The following RMC1 variants were observed in gnomAD, a reference collection of about 807,000 sequenced individuals.
RMC1 encodes the protein regulator of MON1-CCZ1 complex.
RMC1 carries 44 observed loss-of-function variants against 95.5 expected under a neutral mutation model. The ratio of observed to expected loss-of-function variants is 0.46; its 90% CI spans 0.36 to 0.59. The LOEUF (loss-of-function observed/expected upper bound fraction) is 0.59. RMC1 is among the 20% of genes least tolerant of loss of function. The pLI, the probability that RMC1 is intolerant of heterozygous loss-of-function variation, is 0.00. For synonymous variants in RMC1, 320 were observed against 303.6 expected (o/e 1.05, Z -0.56); for missense variants, 705 against 819.6 (o/e 0.86, Z 1.71).
intron 7 of RMC1, among the ~76,000 whole-genome samples, chr18:23,518,363 G>A (rs1350561724): frequency 1.3e-5 from 2 of 152,062 alleles, no homozygotes; most frequent in African/African-American, 2.4e-5. Context: ...ACGGTGGCAC[G>A]TGCATGTAGT....
At chr18:23,511,769 TTGGC>T (rs1486651123) in intron 5 of RMC1, among the ~76,000 whole-genome samples, 2 of 152,090 alleles carry the variant, frequency 1.3e-5, no homozygotes, top group East Asian at 3.8e-4. Flanking sequence ...TTATTGGACA[TTGGC>T]TGGTTTTCCA....
intron 19 of RMC1, among the ~76,000 whole-genome samples, chr18:23,531,129 T>A (rs906565079): frequency 1.2e-4 from 19 of 152,112 alleles, no homozygotes; most frequent in African/African-American, 4.6e-4. Context: ...TAGTTGGGAC[T>A]ACAGGTGCGT....
intron 6 of RMC1, 146 bp downstream of exon 6, chr18:23,516,142 G>C: frequency 7.4e-7 from 1 of 1,357,864 alleles, no homozygotes; most frequent in Non-Finnish European, 1.0e-6. Flanking sequence ...CTGTATACCC[G>C]TCAGCTCCTG....
At chr18:23,503,752 G>T (rs371777909) in intron 1 of RMC1, 32 bp downstream of exon 1, 41 of 1,571,834 alleles carry the variant, frequency 2.6e-5, no homozygotes, top group Non-Finnish European at 7.8e-6. Flanking sequence ...TCCCCCGCGC[G>T]GCCCTGCCGG....
In RMC1 at chr18:23,516,363, C is replaced by T. The variant is rs553858189; in HGVS notation, c.593C>T (p.Pro198Leu). ...CTGCCCAAATTTGAGATTGAATTAC[C>T]AGCTGCGCCTAAGTCAACTAAACCC... ...SKLPKFEIEL[P>L]AAPKSTKPSL... Residue 198 changes from proline to leucine, a missense_variant, in exon 7 of 20, where the codon CCA becomes CTA. Coordinates refer to ENST00000269221, the MANE Select transcript of RMC1 (RefSeq NM_013326.5). 18 of 1,614,224 alleles carry T rather than the reference C, an allele frequency of 1.1e-5. No individual in the cohort carries two copies. In the South Asian group the frequency reaches 1.5e-4, roughly 14 times the overall value.
chr18:23,509,692 A>G (rs1200774848), intron 5 of RMC1: 1 of 152,684 alleles, frequency 6.5e-6, no homozygotes, highest in African/African-American at 2.4e-5. Flanking sequence ...CCTCGTGAGT[A>G]GATGGGATTA....
chr18:23,531,279 G>A (rs750229283), intron 19 of RMC1, among the ~76,000 whole-genome samples: 1 of 152,010 alleles, frequency 6.6e-6, no homozygotes, highest in African/African-American at 2.4e-5. Context: ...TTGAGCCACC[G>A]CACCTGGCCC....
intron 5 of RMC1, among the ~76,000 whole-genome samples, chr18:23,514,859 T>C (rs1372713674): frequency 1.3e-5 from 2 of 152,228 alleles, no homozygotes; most frequent in African/African-American, 4.8e-5. Flanking sequence ...TGCCCCTGAC[T>C]TGCGCAGCAG....
At chr18:23,505,643 G>C (rs1014798844) in intron 2 of RMC1, among the ~76,000 whole-genome samples, 7 of 152,246 alleles carry the variant, frequency 4.6e-5, no homozygotes, top group Non-Finnish European at 1.0e-4. Context: ...GAGCCTGTCA[G>C]AGTTAGGGAT....
intron 5 of RMC1, among the ~76,000 whole-genome samples, chr18:23,514,008 C>T (rs868100742): frequency 1.6e-4 from 25 of 152,158 alleles, no homozygotes; most frequent in African/African-American, 5.8e-4. Context: ...CTTTGATGTA[C>T]CTGCCTGTTT....
Position 23,524,175 on chromosome 18 carries a change from G to T in RMC1, c.1006+1G>T. 1 of 1,613,566 alleles carries T rather than the reference G, an allele frequency of 6.2e-7. No individual in the cohort carries two copies. The highest frequency in any genetic ancestry group is 8.5e-7 in the Non-Finnish European group (1 of 1,180,010). On this transcript the variant is annotated splice_donor_variant, in intron 11 of 19. Transcript: ENST00000269221. LOFTEE classifies it high-confidence loss of function. ...CAGTCTCCTGTTCCATGTAAACTCT[G>T]TATCCTTTACTAAGGTGTGGCACCG...
At chr18:23,503,785 G>A in intron 1 of RMC1, 65 bp downstream of exon 1, 1 of 1,385,568 alleles carries the variant, frequency 7.2e-7, no homozygotes, top group Non-Finnish European at 9.7e-7. Flanking sequence ...GCCAAGGCCG[G>A]TCCCGCGCGA....
At chr18:23,503,811 C>A in intron 1 of RMC1, 91 bp downstream of exon 1, 1 of 1,106,270 alleles carries the variant, frequency 9.0e-7, no homozygotes, top group Non-Finnish European at 1.2e-6. Context: ...CCCGAGCGTC[C>A]CCTCCTGTCC....
chr18:23,517,617 C>T (rs1013403961), intron 7 of RMC1, among the ~76,000 whole-genome samples: 3 of 152,166 alleles, frequency 2.0e-5, no homozygotes, highest in African/African-American at 4.8e-5. Flanking sequence ...CTTCTGTGGC[C>T]TAAAACAGTG....
At chr18:23,518,067 T>A (rs1280011140) in intron 7 of RMC1, among the ~76,000 whole-genome samples, 1 of 152,234 alleles carries the variant, frequency 6.6e-6, no homozygotes, top group Non-Finnish European at 1.5e-5. Flanking sequence ...CTGGCTGAAG[T>A]GGAGGTGGGG....
intron 10 of RMC1, among the ~76,000 whole-genome samples, chr18:23,522,134 C>G (rs1002207687): frequency 2.6e-5 from 4 of 152,266 alleles, no homozygotes; most frequent in Non-Finnish European, 4.4e-5. Flanking sequence ...CCCTGTCTTG[C>G]TGGACCAGCC....
rs779244233 is a variant in RMC1 at position 23,527,770 on chromosome 18, G to A, written c.1190-25G>A. The A allele has an allele frequency of 1.8e-5, 28 of 1,586,812 alleles. No homozygotes were observed. The South Asian group carries it at 2.2e-4, about 13-fold the overall frequency. ...AGCTGACATGAAGTTGGTTTGATCCGTGTGTGAACATTGTGCCTTTCCAGT... is the reference window on the plus strand; with the variant it reads ...AGCTGACATGAAGTTGGTTTGATCCATGTGTGAACATTGTGCCTTTCCAGT... On this transcript the variant is annotated intron_variant, in intron 13 of 19. Coordinates refer to ENST00000269221, the MANE Select transcript of RMC1 (RefSeq NM_013326.5).
Position 23,516,409 on chromosome 18 carries a change from C to T in RMC1, c.639C>T (p.Ile213=). 3.7e-6 allele frequency: 6 copies of T among 1,614,088 alleles called. No homozygotes were observed. The highest frequency in any genetic ancestry group is 1.1e-5 in the South Asian group (1 of 91,080). ...STKPSLSERD[I]AMATIYGQLY... ...AACCCAGCCTTTCCGAAAGAGACAT[C>T]GCAATGGCTACCATGTATGTCCGTG... Residue 213 remains isoleucine (I), a synonymous_variant, in exon 7 of 20, where the codon ATC becomes ATT. Coordinates refer to ENST00000269221, the MANE Select transcript of RMC1 (RefSeq NM_013326.5).
intron 7 of RMC1, 118 bp downstream of exon 7, chr18:23,516,541 T>A: frequency 1.0e-6 from 1 of 993,158 alleles, no homozygotes; most frequent in Non-Finnish European, 1.5e-6. Context: ...TAAGGAGGAC[T>A]CCCCTTGTTC....
Sources: allele counts gnomAD v4.1 joint callset (sites outside exome capture counted in the v4.1 genomes callset), GRCh38; gene constraint gnomAD v4.1.1; transcripts MANE v1.5; gene names NCBI Gene and HGNC (gene_info 2026-07-23, HGNC 2026-07-21).